Variants in ZNF475 observed in about 807,000 individuals in gnomAD.
ZNF475 encodes zinc finger protein 475.
chr5:122,161,278 C>T, the ZNF475 span, among the ~76,000 whole-genome samples: 7 of 152,348 alleles, frequency 4.6e-5, no homozygotes, highest in South Asian at 1.4e-3. Flanking sequence ...AGCCCAAGCA[C>T]CTGCTCTGAT....
At chr5:122,173,983 CCTTTCTTGGATAACG>C in the ZNF475 span, among the ~76,000 whole-genome samples, 1 of 152,228 alleles carries the variant, frequency 6.6e-6, no homozygotes, top group Non-Finnish European at 1.5e-5. Flanking sequence ...TTCCTCTTTG[CCTTTCTTGGATAACG>C]CTTTCCTGGA....
chr5:122,164,179 A>G, the ZNF475 span, among the ~76,000 whole-genome samples: 1 of 152,244 alleles, frequency 6.6e-6, no homozygotes, highest in Admixed American at 6.5e-5. Flanking sequence ...TGGGGATATG[A>G]GTGAGGAGAG....
chr5:122,171,809 G>T, the ZNF475 span, among the ~76,000 whole-genome samples: 7 of 151,648 alleles, frequency 4.6e-5, no homozygotes, highest in Non-Finnish European at 7.4e-5. Flanking sequence ...CACGATCACA[G>T]CTCGCTGCAG....
At chr5:122,173,631 A>G in the ZNF475 span, among the ~76,000 whole-genome samples, 139 of 152,358 alleles carry the variant, frequency 9.1e-4, 1 homozygote, top group Middle Eastern at 3.4e-3. Flanking sequence ...GTGGAAAATA[A>G]TATGATAATT....
the ZNF475 span, among the ~76,000 whole-genome samples, chr5:122,174,178 C>A: frequency 1.3e-5 from 2 of 151,792 alleles, no homozygotes; most frequent in Non-Finnish European, 2.9e-5. Context: ...GAGCTACAGT[C>A]TCTTCTTTCC....
At chr5:122,167,683 G>T in the ZNF475 span, among the ~76,000 whole-genome samples, 4 of 152,084 alleles carry the variant, frequency 2.6e-5, no homozygotes, top group Non-Finnish European at 4.4e-5. Context: ...ACAATAACCT[G>T]CATCCTTTAA....
the ZNF475 span, among the ~76,000 whole-genome samples, chr5:122,169,671 G>A: frequency 3.6e-3 from 551 of 152,208 alleles, 4 homozygotes; most frequent in African/African-American, 0.013. Flanking sequence ...CAGTCAAGAG[G>A]CGGGGGGTGG....
the ZNF475 span, among the ~76,000 whole-genome samples, chr5:122,161,050 T>A: frequency 6.6e-6 from 1 of 152,224 alleles, no homozygotes; most frequent in African/African-American, 2.4e-5. Flanking sequence ...ATGTGAGGCA[T>A]AAGTTCAGCC....
chr5:122,182,281 GA>G, the ZNF475 span, among the ~76,000 whole-genome samples: 2 of 152,162 alleles, frequency 1.3e-5, no homozygotes, highest in Non-Finnish European at 2.9e-5. Flanking sequence ...ACACTTGAAA[GA>G]GCGAGCAGCC....
At chr5:122,168,519 T>C in the ZNF475 span, among the ~76,000 whole-genome samples, 2 of 152,174 alleles carry the variant, frequency 1.3e-5, no homozygotes, top group African/African-American at 2.4e-5. Flanking sequence ...GACCATCCCC[T>C]GGCTAACACG....
the ZNF475 span, chr5:122,179,824 C>A: frequency 2.2e-6 from 2 of 905,790 alleles, no homozygotes; most frequent in African/African-American, 1.7e-5. Context: ...CTTGTTCAAA[C>A]GACCAAAATC....
chr5:122,175,810 C>T, the ZNF475 span, among the ~76,000 whole-genome samples: 2 of 152,156 alleles, frequency 1.3e-5, no homozygotes, highest in East Asian at 1.9e-4. Flanking sequence ...TGGGCCTATA[C>T]TCTTTTCCTC....
the ZNF475 span, among the ~76,000 whole-genome samples, chr5:122,178,627 G>T: frequency 1.3e-5 from 2 of 152,044 alleles, no homozygotes; most frequent in Non-Finnish European, 2.9e-5. Context: ...TGTAGATTCT[G>T]GATATTAGCC....
At chr5:122,164,365 G>T in the ZNF475 span, among the ~76,000 whole-genome samples, 1 of 152,202 alleles carries the variant, frequency 6.6e-6, no homozygotes, top group Non-Finnish European at 1.5e-5. Context: ...AGTAAAACAT[G>T]CCTGTTGGTT....
At chr5:122,172,779 A>T in the ZNF475 span, among the ~76,000 whole-genome samples, 1 of 152,170 alleles carries the variant, frequency 6.6e-6, no homozygotes, top group Admixed American at 6.5e-5. Context: ...CACGCCTGTA[A>T]TTCAAGCACT....
At chr5:122,174,451 G>A in the ZNF475 span, among the ~76,000 whole-genome samples, 12 of 152,266 alleles carry the variant, frequency 7.9e-5, no homozygotes, top group East Asian at 1.9e-4. Context: ...GGTTGTTTGC[G>A]CTTCACTAGA....
chr5:122,179,257 G>GT, the ZNF475 span, among the ~76,000 whole-genome samples: 1 of 152,118 alleles, frequency 6.6e-6, no homozygotes, highest in Non-Finnish European at 1.5e-5. Context: ...ATTTAAAGTG[G>GT]TTTTTTCTAA....
the ZNF475 span, among the ~76,000 whole-genome samples, chr5:122,161,941 A>T: frequency 6.6e-6 from 1 of 152,146 alleles, no homozygotes; most frequent in South Asian, 2.1e-4. Flanking sequence ...AGATCAGAAA[A>T]ACAAAAGCAG....
the ZNF475 span, chr5:122,179,829 A>G: frequency 2.7e-5 from 23 of 838,962 alleles, no homozygotes; most frequent in Non-Finnish European, 3.7e-5. Flanking sequence ...TCAAACGACC[A>G]AAATCAACAA....
Sources: gnomAD v4.1 joint callset for allele counts (sites outside exome capture counted in the v4.1 genomes callset) on GRCh38, gnomAD v4.1.1 for gene constraint, MANE v1.5 for transcripts, NCBI Gene and HGNC (gene_info 2026-07-23, HGNC 2026-07-21) for gene names.